Variants in PCDHGA1 observed in about 807,000 individuals in gnomAD.
PCDHGA1 encodes protocadherin gamma-A1.
In PCDHGA1, 32 loss-of-function variants were observed where a neutral mutation model predicts 58.0. The ratio of observed to expected loss-of-function variants is 0.55; its 90% CI spans 0.42 to 0.74. The LOEUF is 0.74. PCDHGA1 is among the 30% of genes least tolerant of loss of function. The pLI is 0.00. For synonymous variants in PCDHGA1, 498 were observed against 501.1 expected, an observed-to-expected ratio of 0.99 and a Z score of 0.08; for missense variants, 1,205 against 1,182.3, an observed-to-expected ratio of 1.02 and a Z score of -0.28.
Position 141,477,413 on chromosome 5 carries a change from G to A in PCDHGA1, c.2422-17394G>A. ...CCTCAGCATCACCGCCCGAGACGCC[G>A]GAACCCCTTCCCTCTCAGCCCTTAC... On this transcript the variant is annotated intron_variant, in intron 1 of 3. Transcript: ENST00000517417. This position sits in a 1 kb window ranked among gnomAD's most constrained non-coding sequence, Gnocchi z 4.9. 1 of 1,614,080 alleles carries A rather than the reference G, an allele frequency of 6.2e-7. No individual in the cohort carries two copies. Among genetic ancestry groups the A allele is most frequent in the Non-Finnish European group, 8.5e-7 (1 of 1,180,026 alleles).
intron 3 of PCDHGA1, among the ~76,000 whole-genome samples, chr5:141,507,521 C>G (rs2099861196): frequency 6.6e-6 from 1 of 151,972 alleles, no homozygotes; most frequent in African/African-American, 2.4e-5. Flanking sequence ...GGCTATGATT[C>G]CAGAGAGGCC....
chr5:141,382,171 G>A (rs1325332399), intron 1 of PCDHGA1, among the ~76,000 whole-genome samples: 3 of 151,984 alleles, frequency 2.0e-5, no homozygotes, highest in East Asian at 3.8e-4. Flanking sequence ...GTGTTAGACC[G>A]TCTCTAAGGT....
intron 1 of PCDHGA1, chr5:141,392,498 AT>A (rs201401101): frequency 3.1e-4 from 68 of 217,634 alleles, no homozygotes; most frequent in African/African-American, 9.8e-4. Context: ...TAAGCAAATG[AT>A]TTTTTTTTCT....
chr5:141,506,834 C>T (rs2099856597), intron 3 of PCDHGA1, among the ~76,000 whole-genome samples: 1 of 152,140 alleles, frequency 6.6e-6, no homozygotes, highest in Non-Finnish European at 1.5e-5. Flanking sequence ...ACTGATAGCC[C>T]TGCCCTCCAG....
Position 141,431,529 on chromosome 5 carries a change from T to G in PCDHGA1, c.2422-63278T>G, listed in dbSNP as rs145601545. The G allele has an allele frequency of 2.5e-6, 4 of 1,614,074 alleles. No homozygotes were observed. The highest frequency in any genetic ancestry group is 3.4e-6 in the Non-Finnish European group (4 of 1,180,030). ...GCGAGCGTTCCGGAGAATCTGGCCT[T>G]GGGCACGCAGCTGCTTGTAGTCAAC... On this transcript the variant is annotated intron_variant, in intron 1 of 3. Coordinates refer to ENST00000517417, the MANE Select transcript of PCDHGA1 (RefSeq NM_018912.3). The surrounding 1 kb of genome is among the most constrained non-coding windows in gnomAD (Gnocchi z 4.8).
At chr5:141,344,738 A>T (rs746231333) in intron 1 of PCDHGA1, 1 of 1,613,992 alleles carries the variant, frequency 6.2e-7, no homozygotes, top group Non-Finnish European at 8.5e-7. Flanking sequence ...TCCTGGATGC[A>T]AATGACAACC....
At chr5:141,374,089 G>A in intron 1 of PCDHGA1, 1 of 1,532,432 alleles carries the variant, frequency 6.5e-7, no homozygotes, top group Non-Finnish European at 8.8e-7. Flanking sequence ...CAGTAATGGC[G>A]CCTCCGCAGA....
rs2099884060 is a variant in PCDHGA1 at position 141,512,057 on chromosome 5, A to T, written c.*884A>T. 1 of 152,768 alleles carries T rather than the reference A, an allele frequency of 6.5e-6. No individual in the cohort carries two copies. Among genetic ancestry groups the T allele is most frequent in the South Asian group, 2.1e-4 (1 of 4,832 alleles). 9.5% of individuals were successfully genotyped at this position (152,768 alleles called of 1,614,324 possible). ...GGCTCTGTATGTCCTCAGGGGACTG[A>T]CAACATCCTCCAGATTCCAGCCATA... is the stretch of plus-strand genomic sequence containing the variant. On this transcript the variant is annotated 3_prime_UTR_variant, in exon 4 of 4. Coordinates refer to ENST00000517417, the MANE Select transcript of PCDHGA1 (RefSeq NM_018912.3).
In PCDHGA1 at chr5:141,351,794, G is replaced by A. The variant is rs762711142; in HGVS notation, c.2421+18689G>A. On this transcript the variant is annotated intron_variant, in intron 1 of 3. Coordinates refer to ENST00000517417, the MANE Select transcript of PCDHGA1 (RefSeq NM_018912.3). ...GAGCCCGCAGAGCGGGGTGGTGTTC[G>A]CGCAGCGCGCCTTCGACCACGAGCA... 35 of 1,613,242 alleles carry A rather than the reference G, an allele frequency of 2.2e-5. No individual in the cohort carries two copies. In the South Asian group the frequency reaches 3.8e-4, roughly 18 times the overall value.
intron 1 of PCDHGA1, chr5:141,422,547 G>C: frequency 1.9e-6 from 3 of 1,613,938 alleles, no homozygotes; most frequent in Non-Finnish European, 2.5e-6. Context: ...CTCATGTCTG[G>C]CTGAATGTGG....
In PCDHGA1 at chr5:141,430,383, GAA is replaced by G. The variant is rs139772145; in HGVS notation, c.2422-64412_2422-64411del. Among the ~76,000 whole-genome samples the G allele has an allele frequency of 1.3e-3, 180 of 138,574 alleles. 1 individual carries two copies. Among genetic ancestry groups the G allele is most frequent in the African/African-American group, 4.5e-3 (169 of 37,858 alleles). 90.9% of individuals were successfully genotyped at this position (138,574 alleles called of 152,430 possible). A position where few individuals can be genotyped will look rare whatever the true frequency, so the allele number is the denominator to read the frequency against. On this transcript the variant is annotated intron_variant, in intron 1 of 3. Coordinates refer to ENST00000517417, the MANE Select transcript of PCDHGA1 (RefSeq NM_018912.3). ...CATTGGGGAAAAAAAAGCTCATTGG[GAA>G]AAAAAAAAAAAGCTCACTAAAGTTT...
intron 1 of PCDHGA1, chr5:141,352,811 A>G: frequency 3.6e-6 from 3 of 841,654 alleles, no homozygotes; most frequent in Non-Finnish European, 5.4e-6. Context: ...CCAAGATGGT[A>G]AAACCCGGTC....
At position 141,331,804 on chromosome 5, in the gene PCDHGA1, C is replaced by T. The variant is rs1756377049; in HGVS notation, c.1120C>T (p.Gln374Ter). ...AATTGCTCTTATCAGTGTGCATGAC[C>T]AGGACTCAGGAGACAATGGCTACAC... is the stretch of plus-strand genomic sequence containing the variant. ...TIIALISVHD[Q>*]DSGDNGYTTC... Residue 374 changes from glutamine (Q) to a stop codon, truncating the protein, a stop_gained, in exon 1 of 4, where the codon CAG becomes TAG. Transcript: ENST00000517417. LOFTEE classifies it high-confidence loss of function. The T allele has an allele frequency of 3.7e-6, 6 of 1,614,134 alleles. No individual in the cohort carries two copies. The South Asian group carries it at 4.4e-5, about 12-fold the overall frequency.
At position 141,332,528 on chromosome 5, in the gene PCDHGA1, G is replaced by A; in HGVS notation, c.1844G>A (p.Gly615Glu). ...SYRLLKASEP[G>E]LFSVGLHTGE... ...CGCCTGCTCAAGGCCAGCGAGCCGG[G>A]ACTCTTCTCGGTGGGTCTGCACACG... Residue 615 changes from glycine (G) to glutamate (E), a missense_variant, in exon 1 of 4, where the codon GGA becomes GAA. Transcript: ENST00000517417. This position sits in a 1 kb window ranked among gnomAD's most constrained non-coding sequence, Gnocchi z 4.6. 1 of 1,612,876 alleles carries A rather than the reference G, an allele frequency of 6.2e-7. No homozygotes were observed. Among genetic ancestry groups the A allele is most frequent in the Non-Finnish European group, 8.5e-7 (1 of 1,179,926 alleles).
At chr5:141,361,200 C>T (rs1235032205) in intron 1 of PCDHGA1, 1 of 1,613,940 alleles carries the variant, frequency 6.2e-7, no homozygotes. Flanking sequence ...TATCTACTCC[C>T]CTACCGGAGG....
Position 141,415,225 on chromosome 5 carries a change from T to C in PCDHGA1, c.2422-79582T>C, listed in dbSNP as rs189700811. On this transcript the variant is annotated intron_variant, in intron 1 of 3. Transcript: ENST00000517417. ...CCTGGCGGACCTCGGCAGCTTCGAG[T>C]CTCCAGCTAACTCTGAAACCTCAGA... 12,267 of 1,614,024 alleles carry C rather than the reference T, an allele frequency of 7.6e-3. 74 individuals carry two copies. Among genetic ancestry groups the C allele is most frequent in the Non-Finnish European group, 9.2e-3 (10,854 of 1,180,002 alleles).
chr5:141,406,294 G>C (rs1399208737), intron 1 of PCDHGA1, among the ~76,000 whole-genome samples: 1 of 151,910 alleles, frequency 6.6e-6, no homozygotes, highest in East Asian at 1.9e-4. Flanking sequence ...CACTGGGTGA[G>C]GTGTGAACCA....
intron 1 of PCDHGA1, chr5:141,393,874 G>T (rs1226947734): frequency 1.2e-6 from 2 of 1,613,826 alleles, no homozygotes; most frequent in Non-Finnish European, 1.7e-6. Flanking sequence ...TCTTTGTTTA[G>T]CCCAGTGTTA....
intron 1 of PCDHGA1, chr5:141,385,131 C>T (rs371376308): frequency 4.3e-6 from 7 of 1,614,082 alleles, no homozygotes; most frequent in Admixed American, 1.7e-5. Flanking sequence ...TGGGCATGGA[C>T]GGGGTGCAGG....
Sources: gnomAD v4.1 joint callset for allele counts (sites outside exome capture counted in the v4.1 genomes callset) on GRCh38, gnomAD v4.1.1 for gene constraint, Gnocchi (gnomAD v3.1) non-coding constraint, MANE v1.5 for transcripts, NCBI Gene and HGNC (gene_info 2026-07-23, HGNC 2026-07-21) for gene names.